RAPGEF4: variants seen among roughly 807,000 people sequenced by gnomAD.
RAPGEF4 encodes the protein Rap guanine nucleotide exchange factor 4.
RAPGEF4 carries 66 observed loss-of-function variants against 147.9 expected under a neutral mutation model. The observed-to-expected ratio is 0.45, with a 90% CI of 0.37 to 0.55. RAPGEF4 has a LOEUF of 0.55. Ranked by LOEUF, RAPGEF4 falls within the 20% of genes least tolerant of loss-of-function variation. The pLI is 0.00. For missense variants in RAPGEF4, 1,071 were observed against 1,257.3 expected (o/e 0.85, Z 2.24); for synonymous variants, 419 against 442.7 (o/e 0.95, Z 0.67).
intron 1 of RAPGEF4, among the ~76,000 whole-genome samples, chr2:172,750,980 G>A (rs1231830656): frequency 6.6e-6 from 1 of 152,122 alleles, no homozygotes; most frequent in Admixed American, 6.6e-5. Flanking sequence ...GCAGTCATTA[G>A]TTATTTACTG....
chr2:172,866,951 C>CTTTTTTTTTT (rs368474331), intron 4 of RAPGEF4, among the ~76,000 whole-genome samples: 3 of 139,758 alleles, frequency 2.1e-5, no homozygotes, highest in Non-Finnish European at 1.6e-5. Flanking sequence ...CAAAACTGCT[C>CTTTTTTTTTT]TTTTTTTTTT....
chr2:172,766,475 C>T (rs1460962744), intron 1 of RAPGEF4, among the ~76,000 whole-genome samples: 3 of 152,032 alleles, frequency 2.0e-5, no homozygotes, highest in African/African-American at 7.2e-5. Context: ...TTGCTTGAAC[C>T]CCAGAGGTGG....
chr2:172,952,412 G>T (rs987773979), intron 6 of RAPGEF4, among the ~76,000 whole-genome samples: 1 of 152,214 alleles, frequency 6.6e-6, no homozygotes, highest in Admixed American at 6.5e-5. Context: ...TGTAAAAGGA[G>T]GAGGGAACAG....
chr2:172,834,244 A>C (rs748399095), intron 4 of RAPGEF4, among the ~76,000 whole-genome samples: 13 of 152,224 alleles, frequency 8.5e-5, no homozygotes, highest in Non-Finnish European at 1.6e-4. Flanking sequence ...TGAATGCAAA[A>C]ACAAAGTAAT....
intron 10 of RAPGEF4, among the ~76,000 whole-genome samples, chr2:172,977,674 G>A (rs541198015): frequency 6.6e-6 from 1 of 152,252 alleles, no homozygotes; most frequent in Admixed American, 6.5e-5. Flanking sequence ...CCTCCTCCCT[G>A]GGACTCACCT....
intron 3 of RAPGEF4, among the ~76,000 whole-genome samples, chr2:172,806,929 G>A (rs975533707): frequency 6.6e-6 from 1 of 152,216 alleles, no homozygotes; most frequent in Non-Finnish European, 1.5e-5. Context: ...GTGTTTCGTT[G>A]TAATGCGGAT....
chr2:173,033,243 C>T (rs1393814225), intron 26 of RAPGEF4, among the ~76,000 whole-genome samples: 2 of 152,004 alleles, frequency 1.3e-5, no homozygotes, highest in African/African-American at 4.8e-5. Flanking sequence ...ATGTGAGAGA[C>T]GAGACAGCAG....
intron 4 of RAPGEF4, among the ~76,000 whole-genome samples, chr2:172,841,312 G>C (rs866326457): frequency 6.6e-6 from 1 of 152,016 alleles, no homozygotes; most frequent in Non-Finnish European, 1.5e-5. Context: ...CCAAGTAATC[G>C]TTATACATTT....
At chr2:172,946,423 A>C (rs1172660697) in intron 6 of RAPGEF4, among the ~76,000 whole-genome samples, 1 of 152,226 alleles carries the variant, frequency 6.6e-6, no homozygotes, top group Admixed American at 6.5e-5. Context: ...CCTTTACTAC[A>C]ATTGATAATC....
intron 23 of RAPGEF4, 90 bp from the exon 24 acceptor site, chr2:173,026,482 T>C: frequency 1.5e-6 from 2 of 1,373,710 alleles, no homozygotes; most frequent in South Asian, 1.4e-5. Flanking sequence ...ATCTCCAGAA[T>C]CCTTTCCCCT....
intron 10 of RAPGEF4, 150 bp downstream of exon 10, chr2:172,967,594 T>C: frequency 1.3e-6 from 1 of 744,204 alleles, no homozygotes; most frequent in South Asian, 2.6e-5. Flanking sequence ...ACAGCAGTGC[T>C]TGTCTCTGTT....
chr2:173,026,775 C>A, intron 24 of RAPGEF4, 78 bp downstream of exon 24: 1 of 1,532,616 alleles, frequency 6.5e-7, no homozygotes, highest in Non-Finnish European at 8.9e-7. Flanking sequence ...TTTGTAAGTG[C>A]TAATATGTGC....
At chr2:172,801,777 C>A (rs567321364) in intron 3 of RAPGEF4, among the ~76,000 whole-genome samples, 1 of 152,102 alleles carries the variant, frequency 6.6e-6, no homozygotes, top group South Asian at 2.1e-4. Flanking sequence ...GGAGCTGAGC[C>A]AGCCATTAAG....
At chr2:172,943,683 C>T (rs1433152473) in intron 6 of RAPGEF4, among the ~76,000 whole-genome samples, 7 of 152,234 alleles carry the variant, frequency 4.6e-5, no homozygotes, top group Admixed American at 4.6e-4. Flanking sequence ...AATGGAATGG[C>T]TTTACTCCTA....
In RAPGEF4 at chr2:172,900,764, T is replaced by A. The variant is rs149151096; in HGVS notation, c.445-17038T>A. ...TCCTTAGAGCAAGGACATTTTCTTA[T>A]ATAACCATAAGACGGTTGTCAAAAT... On this transcript the variant is annotated intron_variant, in intron 4 of 30. Transcript: ENST00000397081. Among the ~76,000 whole-genome samples the A allele has an allele frequency of 4.3e-3, 651 of 152,292 alleles. 5 individuals are homozygous for A. The highest frequency in any genetic ancestry group is 0.015 in the African/African-American group (619 of 41,546).
chr2:172,966,941 C>A (rs947424327), intron 9 of RAPGEF4, among the ~76,000 whole-genome samples: 2 of 152,186 alleles, frequency 1.3e-5, no homozygotes, highest in African/African-American at 2.4e-5. Context: ...GGACACAGGT[C>A]CCACATCCTA....
At chr2:172,767,863 GAC>G (rs1696994127) in intron 1 of RAPGEF4, among the ~76,000 whole-genome samples, 1 of 151,952 alleles carries the variant, frequency 6.6e-6, no homozygotes, top group Non-Finnish European at 1.5e-5. Context: ...GTTTTTTTGA[GAC>G]ACAGTCTCCC....
intron 4 of RAPGEF4, among the ~76,000 whole-genome samples, chr2:172,873,440 A>G (rs1695484225): frequency 1.3e-5 from 2 of 152,224 alleles, no homozygotes; most frequent in Admixed American, 6.5e-5. Flanking sequence ...TAGATTGTAT[A>G]TCTTACAAAG....
At chr2:172,959,052 A>C (rs1467051438) in intron 6 of RAPGEF4, among the ~76,000 whole-genome samples, 1 of 152,212 alleles carries the variant, frequency 6.6e-6, no homozygotes, top group Middle Eastern at 3.2e-3. Flanking sequence ...TTCTATTTGC[A>C]AACAGTAGGG....
Sources: allele counts gnomAD v4.1 joint callset (sites outside exome capture counted in the v4.1 genomes callset), GRCh38; gene constraint gnomAD v4.1.1; transcripts MANE v1.5; gene names NCBI Gene and HGNC (gene_info 2026-07-23, HGNC 2026-07-21).